Variants in DGLUCY observed in about 807,000 individuals in gnomAD.
The protein encoded by DGLUCY is D-glutamate cyclase, also known as D-glutamate cyclase, mitochondrial.
Under a neutral mutation model 58.5 loss-of-function variants are expected in DGLUCY, and 58 were observed. The observed-to-expected ratio is 0.99, with a 90% CI of 0.80 to 1.23. The LOEUF is 1.23. Among genes scored for constraint, DGLUCY ranks in the 50% most tolerant of loss-of-function variants. The probability of loss-of-function intolerance (pLI) is 0.00; values close to 1 mark genes in which losing one functional copy is unlikely to be tolerated. For synonymous variants in DGLUCY, 325 were observed against 314.1 expected (o/e 1.03, Z -0.37); for missense variants, 779 against 784.7 (o/e 0.99, Z 0.09).
At chr14:91,184,578 G>GGC (rs2049373202) in intron 8 of DGLUCY, among the ~76,000 whole-genome samples, 1 of 85,326 alleles carries the variant, frequency 1.2e-5, no homozygotes, top group African/African-American at 6.0e-5. Flanking sequence ...AAAGAAAGTT[G>GGC]GGGGGGGGGA....
chr14:91,142,890 C>T (rs959242388), intron 1 of DGLUCY, among the ~76,000 whole-genome samples: 1 of 147,056 alleles, frequency 6.8e-6, no homozygotes, highest in South Asian at 2.2e-4. Context: ...CACTAGCCGG[C>T]GTGGTGGTGC....
intron 1 of DGLUCY, among the ~76,000 whole-genome samples, chr14:91,139,014 A>G (rs2046498462): frequency 6.6e-6 from 1 of 152,230 alleles, no homozygotes; most frequent in East Asian, 1.9e-4. Context: ...ATTGTTCTCC[A>G]GAGAAACAGA....
intron 9 of DGLUCY, among the ~76,000 whole-genome samples, chr14:91,194,760 C>T (rs1291788435): frequency 6.6e-6 from 1 of 152,136 alleles, no homozygotes; most frequent in African/African-American, 2.4e-5. Flanking sequence ...AGGATGATCT[C>T]AATCTCCTGA....
At chr14:91,082,530 T>G (rs1328647206) in intron 1 of DGLUCY, among the ~76,000 whole-genome samples, 2 of 152,172 alleles carry the variant, frequency 1.3e-5, no homozygotes, top group Non-Finnish European at 2.9e-5. Context: ...ACAGAGGTGG[T>G]GATTCTTATA....
chr14:91,196,447 G>A lies in DGLUCY; in HGVS notation c.1268G>A (p.Cys423Tyr), dbSNP rs375027427. The change falls in exon 10 of 14, where the codon TGC becomes TAC. Residue 423 changes from cysteine to tyrosine, a missense_variant. By Grantham distance (194) the Cys-to-Tyr change is radical. Transcript: ENST00000256324. ...GTGGAAGCTGCTCAGGCATTCCTGT[G>A]CAAAAATGGGGACCCGCAGACACCT... ...GSVEAAQAFL[C>Y]KNGDPQTPRF... 22 of 1,613,976 alleles carry A rather than the reference G, an allele frequency of 1.4e-5. No homozygotes were observed. Among genetic ancestry groups the A allele is most frequent in the Non-Finnish European group, 1.9e-5 (22 of 1,180,014 alleles).
At chr14:91,185,013 G>C (rs2049414636) in intron 8 of DGLUCY, among the ~76,000 whole-genome samples, 1 of 151,940 alleles carries the variant, frequency 6.6e-6, no homozygotes, top group Admixed American at 6.6e-5. Flanking sequence ...TGTTGCCCAG[G>C]CTGGAGTGCA....
At chr14:91,181,965 TTTTATTTA>T (rs375449442) in intron 8 of DGLUCY, among the ~76,000 whole-genome samples, 13 of 148,804 alleles carry the variant, frequency 8.7e-5, no homozygotes, top group African/African-American at 2.2e-4. Flanking sequence ...CTTTATGGCT[TTTTATTTA>T]TTTATTTATT....
chr14:91,170,233 G>C (rs1404829063), intron 5 of DGLUCY, 32 bp downstream of exon 5: 3 of 1,599,578 alleles, frequency 1.9e-6, no homozygotes, highest in Non-Finnish European at 2.6e-6. Context: ...CACAAGGGCA[G>C]AATGGCCTGA....
chr14:91,178,683 T>C (rs757978690), intron 7 of DGLUCY, among the ~76,000 whole-genome samples: 10 of 152,126 alleles, frequency 6.6e-5, no homozygotes, highest in Non-Finnish European at 1.3e-4. Flanking sequence ...AATCTAAAAG[T>C]TATGTATCTA....
At chr14:91,143,667 A>G (rs537998690) in intron 1 of DGLUCY, among the ~76,000 whole-genome samples, 14 of 152,146 alleles carry the variant, frequency 9.2e-5, no homozygotes, top group South Asian at 2.1e-4. Context: ...GGTGGGGTTG[A>G]TGGTCATCCA....
chr14:91,105,914 G>A (rs2044580053), upstream of DGLUCY, among the ~76,000 whole-genome samples: 1 of 152,206 alleles, frequency 6.6e-6, no homozygotes, highest in South Asian at 2.1e-4. Flanking sequence ...GCATGTGACT[G>A]TGTTACAGTT....
At chr14:91,165,589 C>A (rs1213355771) in intron 3 of DGLUCY, among the ~76,000 whole-genome samples, 5 of 152,118 alleles carry the variant, frequency 3.3e-5, no homozygotes, top group Admixed American at 6.6e-5. Flanking sequence ...ATCTGCCCCC[C>A]AAAAAGATAC....
At chr14:91,185,623 A>C (rs527308302) in intron 8 of DGLUCY, 1 of 151,616 alleles carries the variant, frequency 6.6e-6, no homozygotes, top group South Asian at 2.1e-4. Context: ...CTTCACAAAC[A>C]TTCTTACCCA....
intron 1 of DGLUCY, among the ~76,000 whole-genome samples, chr14:91,144,250 T>G (rs1011556746): frequency 1.3e-5 from 2 of 152,150 alleles, no homozygotes; most frequent in African/African-American, 4.8e-5. Context: ...AACAAACATT[T>G]ATCAGGTAAC....
chr14:91,143,385 G>A (rs922916087), intron 1 of DGLUCY, among the ~76,000 whole-genome samples: 2 of 152,110 alleles, frequency 1.3e-5, no homozygotes, highest in Non-Finnish European at 2.9e-5. Flanking sequence ...ATGAGCCACC[G>A]CGCCTGGCAG....
chr14:91,212,917 C>A (rs552983943), intron 12 of DGLUCY, among the ~76,000 whole-genome samples: 1 of 151,734 alleles, frequency 6.6e-6, no homozygotes, highest in South Asian at 2.1e-4. Flanking sequence ...AGGAGAATGG[C>A]GTGAACCCAA....
At chr14:91,156,744 G>A (rs144978627) in intron 1 of DGLUCY, among the ~76,000 whole-genome samples, 2 of 152,274 alleles carry the variant, frequency 1.3e-5, no homozygotes, top group East Asian at 3.9e-4. Context: ...TTGGATTCTA[G>A]CCAGGGCTCA....
chr14:91,099,794 C>T (rs2044455005), intron 1 of DGLUCY, among the ~76,000 whole-genome samples: 1 of 152,094 alleles, frequency 6.6e-6, no homozygotes, highest in Admixed American at 6.6e-5. Flanking sequence ...CTGCCCTTGC[C>T]CTTGGACTTG....
At chr14:91,223,723 G>C (rs1343475861) in intron 13 of DGLUCY, 1 of 1,286,072 alleles carries the variant, frequency 7.8e-7, no homozygotes, top group South Asian at 1.2e-5. Context: ...AGAAGACCTA[G>C]CCCTGCCAAT....
Sources: gnomAD v4.1 joint callset for allele counts (sites outside exome capture counted in the v4.1 genomes callset) on GRCh38, gnomAD v4.1.1 for gene constraint, MANE v1.5 for transcripts, NCBI Gene and HGNC (gene_info 2026-07-23, HGNC 2026-07-21) for gene names.